The following ZNF91 variants were observed in gnomAD, a reference collection of about 807,000 sequenced individuals.
The protein encoded by ZNF91 is zinc finger protein 91.
Under a neutral mutation model 12.6 loss-of-function variants are expected in ZNF91, and 7 were observed. That is an observed-to-expected ratio of 0.55 (90% CI 0.31 to 1.04). ZNF91 has a LOEUF of 1.04. Ranked by LOEUF, ZNF91 falls within the 50% of genes least tolerant of loss-of-function variation. The probability of loss-of-function intolerance (pLI) is 0.05; values close to 1 mark genes in which losing one functional copy is unlikely to be tolerated. For missense variants in ZNF91, 1,217 were observed against 1,385.4 expected (o/e 0.88, Z 1.93); for synonymous variants, 453 against 462.6 (o/e 0.98, Z 0.27).
chr19:23,359,677 G>T lies in ZNF91; in HGVS notation c.3302C>A (p.Thr1101Asn). ...STLTRHKRLHTGEKPYKCGEC... is the reference protein window; with the variant it reads ...STLTRHKRLHNGEKPYKCGEC... ...TCCACATTTGTAGGGTTTCTCTCCG[G>T]TGTGCAACCTCTTATGTCTAGTTAG... is the stretch of plus-strand genomic sequence containing the variant. Residue 1101 changes from threonine to asparagine, a missense_variant, in exon 4 of 4, where the codon ACC becomes AAC. Physicochemically the swap from Thr to Asn is moderately conservative, Grantham distance 65. Around this residue, in one of 2 missense-constraint regions of ZNF91, gnomAD observed 491 missense variants for 489.8 expected, o/e 1.00. Coordinates refer to ENST00000300619, the MANE Select transcript of ZNF91 (RefSeq NM_003430.4). 1.9e-6 allele frequency: 3 copies of T among 1,614,050 alleles called. No homozygotes were observed. The highest frequency in any genetic ancestry group is 2.5e-6 in the Non-Finnish European group (3 of 1,180,000).
chr19:23,371,026 C>T (rs1230450279), intron 3 of ZNF91, among the ~76,000 whole-genome samples: 1 of 151,954 alleles, frequency 6.6e-6, no homozygotes, highest in Non-Finnish European at 1.5e-5. Context: ...CTCACTTACA[C>T]AAGACAAAAC....
chr19:23,381,483 CT>C (rs1465876355), intron 1 of ZNF91, among the ~76,000 whole-genome samples: 6 of 134,602 alleles, frequency 4.5e-5, no homozygotes, highest in African/African-American at 1.4e-4. Flanking sequence ...TTTTTTGAGA[CT>C]GAGTTTTGCT....
intron 1 of ZNF91, among the ~76,000 whole-genome samples, chr19:23,390,284 C>T (rs1429204829): frequency 1.3e-5 from 2 of 152,028 alleles, no homozygotes; most frequent in African/African-American, 2.4e-5. Flanking sequence ...CCATTACACT[C>T]CAGCCTGGGC....
intron 1 of ZNF91, among the ~76,000 whole-genome samples, chr19:23,332,745 G>A (rs1967947278): frequency 6.6e-6 from 1 of 152,170 alleles, no homozygotes; most frequent in South Asian, 2.1e-4. Flanking sequence ...TCCCTTCTGT[G>A]ATGATCAGGA....
chr19:23,309,624 G>C (rs1161492847), intron 1 of ZNF91, among the ~76,000 whole-genome samples: 20 of 152,148 alleles, frequency 1.3e-4, no homozygotes, highest in Admixed American at 2.0e-4. Context: ...CCTACACACA[G>C]GTAGGATTTT....
chr19:23,374,864 G>T, intron 1 of ZNF91, 100 bp from the exon 2 acceptor site: 1 of 1,538,492 alleles, frequency 6.5e-7, no homozygotes, highest in Admixed American at 2.1e-5. Context: ...AACTGGTTCT[G>T]ACTTATAAGA....
chr19:23,352,402 C>A (rs1968388914), intron 3 of ZNF91, among the ~76,000 whole-genome samples: 1 of 152,130 alleles, frequency 6.6e-6, no homozygotes, highest in South Asian at 2.1e-4. Context: ...CAAGAAGAGT[C>A]TGAACTCAGA....
At chr19:23,317,488 G>A (rs1433070877) in intron 1 of ZNF91, among the ~76,000 whole-genome samples, 30 of 152,154 alleles carry the variant, frequency 2.0e-4, no homozygotes, top group Admixed American at 2.0e-3. Context: ...GGAGATCTCA[G>A]AGCATATTGA....
intron 1 of ZNF91, among the ~76,000 whole-genome samples, chr19:23,381,103 T>C (rs1398886559): frequency 6.6e-6 from 1 of 152,148 alleles, no homozygotes; most frequent in African/African-American, 2.4e-5. Flanking sequence ...ACTGTAACAA[T>C]TTGGTAATAC....
At chr19:23,354,522 T>C (rs1255791977), downstream of ZNF91, among the ~76,000 whole-genome samples, 6 of 152,104 alleles carry the variant, frequency 3.9e-5, no homozygotes, top group South Asian at 2.1e-4. Context: ...TAATACTGAA[T>C]AGAAAAAAGT....
chr19:23,384,498 C>A, intron 1 of ZNF91: 1 of 900,624 alleles, frequency 1.1e-6, no homozygotes. Context: ...CCCTTTCTTC[C>A]GCTTGCAAAA....
downstream of ZNF91, chr19:23,338,533 C>G (rs1448255014): frequency 6.6e-6 from 1 of 151,808 alleles, no homozygotes; most frequent in African/African-American, 2.4e-5. Context: ...AATATAAAAA[C>G]AAGAGATTGA....
intron 3 of ZNF91, among the ~76,000 whole-genome samples, chr19:23,368,510 ATCTCTCTC>A (rs573590418): frequency 0.062 from 5,835 of 94,168 alleles, 474 homozygotes; most frequent in African/African-American, 0.16. Context: ...GCGAAACTCC[ATCTCTCTC>A]TCTCTCTCTC....
chr19:23,387,800 C>A (rs1305897987), intron 1 of ZNF91, among the ~76,000 whole-genome samples: 1 of 151,866 alleles, frequency 6.6e-6, no homozygotes, highest in African/African-American at 2.4e-5. Context: ...ATTAGTCGGG[C>A]ATGGTGGTGG....
chr19:23,362,420 A>T lies in ZNF91; in HGVS notation c.559T>A (p.Cys187Ser). ...AAACGGATGCAAAATGACTTGACACATTTTTTACATTTGAAGCATTTCTTT... is the reference window on the plus strand; with the variant it reads ...AAACGGATGCAAAATGACTTGACACTTTTTTTACATTTGAAGCATTTCTTT... Reference protein sequence around the residue: ...TGKKCFKCKKCVKSFCIRLHK... With the variant: ...TGKKCFKCKKSVKSFCIRLHK... The change falls in exon 4 of 4, where the codon TGT (cysteine) becomes AGT (serine). Residue 187 changes from cysteine (C) to serine (S), a missense_variant. Around this residue, in one of 2 missense-constraint regions of ZNF91, gnomAD observed 726 missense variants for 895.5 expected, o/e 0.81. Transcript: ENST00000300619. The T allele has an allele frequency of 5.0e-6, 8 of 1,613,938 alleles. No individual in the cohort carries two copies. The highest frequency in any genetic ancestry group is 6.8e-6 in the Non-Finnish European group (8 of 1,179,976).
rs908158265 is a variant in ZNF91, at chr19:23,384,392, A to G, written c.31-9628T>C. 2.9e-5 allele frequency: 7 copies of G among 238,696 alleles called. No individual in the cohort carries two copies. The East Asian group carries it at 3.0e-4, about 10-fold the overall frequency. The allele number at this position is 238,696 out of a possible 1,614,324, so 14.8% of individuals were successfully genotyped here. A position where few individuals can be genotyped will look rare whatever the true frequency, so the allele number is the denominator to read the frequency against. On this transcript the variant is annotated intron_variant, in intron 1 of 3. Coordinates refer to ENST00000300619, the MANE Select transcript of ZNF91 (RefSeq NM_003430.4). The stretch of plus-strand genomic sequence containing the variant: ...ACCGCCCACCACGCCGGAACCGCGC[A>G]CAGCTAGAGCCACTTCTGAAGCCAC...
intron 3 of ZNF91, among the ~76,000 whole-genome samples, chr19:23,368,562 C>CTCTCTCTCTCTCTATATA (rs768532900): frequency 1.7e-5 from 2 of 118,632 alleles, no homozygotes; most frequent in African/African-American, 6.6e-5. Flanking sequence ...CTCTCTCTCT[C>CTCTCTCTCTCTCTATATA]TATATATATA....
In ZNF91 at chr19:23,359,242, A is replaced by G; in HGVS notation, c.*161T>C. 1 of 315,434 alleles carries G rather than the reference A, an allele frequency of 3.2e-6. No homozygotes were observed. The highest frequency in any genetic ancestry group is 3.7e-5 in the South Asian group (1 of 27,060). The allele number at this position is 315,434 out of a possible 1,614,324, so 19.5% of individuals were successfully genotyped here. A position where few individuals can be genotyped will look rare whatever the true frequency, so the allele number is the denominator to read the frequency against. On this transcript the variant is annotated 3_prime_UTR_variant, in exon 4 of 4. Transcript: ENST00000300619. ...ATGAATTTTCTTTTTTTTTTTTTTG[A>G]GACGGAGTCTCGCTCTGTCGCCCAG... is the stretch of plus-strand genomic sequence containing the variant.
At chr19:23,334,864 T>C (rs1425425412), downstream of ZNF91, among the ~76,000 whole-genome samples, 2 of 152,202 alleles carry the variant, frequency 1.3e-5, no homozygotes, top group Non-Finnish European at 2.9e-5. Flanking sequence ...AATTCAAAAG[T>C]AGTACACTAA....
Sources: allele counts gnomAD v4.1 joint callset (sites outside exome capture counted in the v4.1 genomes callset), GRCh38; gene constraint gnomAD v4.1.1; regional missense constraint gnomAD v4.1.1; transcripts MANE v1.5; gene names NCBI Gene and HGNC (gene_info 2026-07-23, HGNC 2026-07-21).